The following DNAH17 variants were observed in gnomAD, a reference collection of about 807,000 sequenced individuals.
DNAH17 encodes the protein axonemal beta dynein heavy chain 17.
In DNAH17, 376 loss-of-function variants were observed where a neutral mutation model predicts 485.6. The observed-to-expected ratio is 0.77, with a 90% confidence interval of 0.71 to 0.84. The LOEUF (loss-of-function observed/expected upper bound fraction) is 0.84. DNAH17 is among the 40% of genes least tolerant of loss of function. The pLI is 0.00. For missense variants in DNAH17, 6,370 were observed against 5,839.3 expected (o/e 1.09, Z -2.96); for synonymous variants, 3,031 against 2,405.9 (o/e 1.26, Z -7.60).
intron 13 of DNAH17, among the ~76,000 whole-genome samples, chr17:78,558,797 G>A (rs1030590459): frequency 1.1e-4 from 17 of 152,126 alleles, no homozygotes; most frequent in African/African-American, 3.4e-4. Flanking sequence ...GTTATGACCC[G>A]AGATCAACAA....
chr17:78,505,555 C>A, intron 30 of DNAH17, 110 bp from the exon 31 acceptor site: 1 of 1,368,914 alleles, frequency 7.3e-7, no homozygotes, highest in Non-Finnish European at 1.0e-6. Flanking sequence ...GGAATATACT[C>A]CCCATCTTTG....
Position 78,571,265 on chromosome 17 carries a change from G to C in DNAH17, c.832+14C>G, listed in dbSNP as rs1195650602. On this transcript the variant is annotated intron_variant, in intron 5 of 80. Coordinates refer to ENST00000389840, the MANE Select transcript of DNAH17 (RefSeq NM_173628.4). ...CAGCTTCGTGCAGAACTCATGACAG[G>C]GTCACAGGCTCACCTTCAGTGACGT... 6.2e-7 allele frequency: 1 copy of C among 1,606,072 alleles called. No individual in the cohort carries two copies. The highest frequency in any genetic ancestry group is 8.5e-7 in the Non-Finnish European group (1 of 1,174,630).
intron 49 of DNAH17, 83 bp from the exon 50 acceptor site, chr17:78,479,715 C>G (rs2089265487): frequency 1.3e-6 from 2 of 1,573,290 alleles, no homozygotes; most frequent in South Asian, 1.1e-5. Context: ...GGGAGAGTGG[C>G]CCCTGTCCTC....
intron 74 of DNAH17, 95 bp from the exon 75 acceptor site, chr17:78,434,315 G>A (rs2086790470): frequency 8.0e-7 from 1 of 1,251,776 alleles, no homozygotes; most frequent in Admixed American, 2.5e-5. Flanking sequence ...CTTGCCAGAT[G>A]CTTTGCTAGG....
intron 14 of DNAH17, among the ~76,000 whole-genome samples, chr17:78,554,473 G>GAAAAAA (rs1568246690): frequency 7.8e-4 from 97 of 124,728 alleles, no homozygotes; most frequent in Non-Finnish European, 1.1e-3. Flanking sequence ...AAAAAAAAAG[G>GAAAAAA]ATAGGTTCTA....
intron 25 of DNAH17, among the ~76,000 whole-genome samples, chr17:78,519,857 C>A (rs919423309): frequency 2.0e-5 from 3 of 152,186 alleles, no homozygotes; most frequent in Admixed American, 2.0e-4. Flanking sequence ...CGCCTGTAAT[C>A]CCAGCACTTT....
At chr17:78,440,599 A>G (rs1412616208) in intron 72 of DNAH17, among the ~76,000 whole-genome samples, 1 of 152,118 alleles carries the variant, frequency 6.6e-6, no homozygotes, top group East Asian at 1.9e-4. Flanking sequence ...ATTCCACCAT[A>G]TAGAGCCACC....
chr17:78,572,083 C>T (rs2092366654), intron 3 of DNAH17, among the ~76,000 whole-genome samples: 1 of 152,202 alleles, frequency 6.6e-6, no homozygotes, highest in African/African-American at 2.4e-5. Flanking sequence ...TTCAAGATGG[C>T]TCCCCTGGTG....
At chr17:78,564,999 C>G (rs1176831627) in intron 11 of DNAH17, among the ~76,000 whole-genome samples, 1 of 152,090 alleles carries the variant, frequency 6.6e-6, no homozygotes, top group African/African-American at 2.4e-5. Context: ...CTCCATCCTC[C>G]ACCATCCCGC....
Position 78,533,965 on chromosome 17 carries a change from C to T in DNAH17, c.2860-1229G>A, listed in dbSNP as rs550460043. On this transcript the variant is annotated intron_variant, in intron 19 of 80. Transcript: ENST00000389840. The stretch of plus-strand genomic sequence containing the variant: ...CCTCCCAAAGTGTTGGGATTACAGG[C>T]GTGAGCCAATGCGCCCAGCCCAATT... Among the ~76,000 whole-genome samples, 13 of 152,212 alleles carry T rather than the reference C, an allele frequency of 8.5e-5. No homozygotes were observed. The South Asian group carries it at 2.3e-3, about 27-fold the overall frequency.
chr17:78,496,540 C>G (rs1169651468), intron 37 of DNAH17: 1 of 152,282 alleles, frequency 6.6e-6, no homozygotes, highest in African/African-American at 2.4e-5. Flanking sequence ...TATAGCCACA[C>G]CCCTTCCCTC....
rs2086896936 is a variant in DNAH17, at chr17:78,437,729, C to T, written c.11945G>A (p.Gly3982Asp). The T allele has an allele frequency of 1.2e-5, 20 of 1,612,482 alleles. No homozygotes were observed. Among genetic ancestry groups the T allele is most frequent in the East Asian group, 8.9e-5 (4 of 44,878 alleles). ...PSPETHIIPQGILENAIKITN... is the reference protein window; with the variant it reads ...PSPETHIIPQDILENAIKITN... ...GATCTTGATGGCGTTCTCCAGAATGCCCTGGGGGATGATGTGGGTCTCGGG... is the reference window on the plus strand; with the variant it reads ...GATCTTGATGGCGTTCTCCAGAATGTCCTGGGGGATGATGTGGGTCTCGGG... Residue 3982 changes from glycine (G) to aspartate (D), a missense_variant, in exon 74 of 81, where the codon GGC becomes GAC. By Grantham distance (94) the Gly-to-Asp change is moderately conservative. Coordinates refer to ENST00000389840, the MANE Select transcript of DNAH17 (RefSeq NM_173628.4).
chr17:78,466,036 C>T (rs963101208), intron 56 of DNAH17, among the ~76,000 whole-genome samples: 3 of 152,096 alleles, frequency 2.0e-5, no homozygotes, highest in Non-Finnish European at 2.9e-5. Flanking sequence ...GTTGCCGTGT[C>T]TGTGTAGAAA....
At chr17:78,492,570 C>T in intron 42 of DNAH17, 63 bp downstream of exon 42, 2 of 1,591,886 alleles carry the variant, frequency 1.3e-6, no homozygotes, top group Non-Finnish European at 8.6e-7. Flanking sequence ...AACGGCTGAG[C>T]ACACGCTCAC....
In DNAH17 at chr17:78,427,061, G is replaced by C. The variant is rs1401633674; in HGVS notation, c.12636C>G (p.Phe4212Leu). 4 of 1,596,022 alleles carry C rather than the reference G, an allele frequency of 2.5e-6. No homozygotes were observed. In the Admixed American group the frequency reaches 5.2e-5, roughly 21 times the overall value. The change falls in exon 78 of 81, where the codon TTC (phenylalanine) becomes TTG (leucine). Residue 4212 changes from phenylalanine to leucine, a missense_variant. Transcript: ENST00000389840. ...DDILEKIPET[F>L]NMAEIMAKAA... ...CCTTTGCCATGATCTCAGCCATGTT[G>C]AAAGTCTCCGGAATCTTCTCCAGGA...
At chr17:78,428,291 G>A (rs2086549631) in intron 77 of DNAH17, 1 of 578,614 alleles carries the variant, frequency 1.7e-6, no homozygotes, top group South Asian at 1.9e-5. Context: ...CACCCCCAAG[G>A]ATCCCTTTTG....
chr17:78,480,737 C>T lies in DNAH17; in HGVS notation c.7699G>A (p.Val2567Met), dbSNP rs758599979. Residue 2567 changes from valine to methionine, a missense_variant, in exon 49 of 81, where the codon GTG becomes ATG. Coordinates refer to ENST00000389840, the MANE Select transcript of DNAH17 (RefSeq NM_173628.4). ...TLKDIHNCQYVACMNPTSGSF... is the reference protein window; with the variant it reads ...TLKDIHNCQYMACMNPTSGSF... ...CCGGAAGTGGGGTTCATGCAGGCCACGTACTGACAATTATGGATATCTTTT... is the reference window on the plus strand; with the variant it reads ...CCGGAAGTGGGGTTCATGCAGGCCATGTACTGACAATTATGGATATCTTTT... 2.7e-5 allele frequency: 44 copies of T among 1,613,684 alleles called. No homozygotes were observed. The highest frequency in any genetic ancestry group is 3.5e-5 in the Non-Finnish European group (41 of 1,179,846).
chr17:78,537,235 G>A (rs1012289279), intron 19 of DNAH17, 64 bp downstream of exon 19: 211 of 1,494,914 alleles, frequency 1.4e-4, no homozygotes, highest in Middle Eastern at 1.7e-4. Context: ...GAGTTAGGGC[G>A]GCAACACCAA....
chr17:78,529,809 A>T, intron 21 of DNAH17, 115 bp from the exon 22 acceptor site: 4 of 1,073,554 alleles, frequency 3.7e-6, no homozygotes, highest in Non-Finnish European at 5.4e-6. Context: ...CCATCACTGA[A>T]GGCCCCAGGT....
Sources: allele counts gnomAD v4.1 joint callset (sites outside exome capture counted in the v4.1 genomes callset), GRCh38; gene constraint gnomAD v4.1.1; transcripts MANE v1.5; gene names NCBI Gene and HGNC (gene_info 2026-07-23, HGNC 2026-07-21).